The following FER1L5 variants were observed in gnomAD, a reference collection of about 807,000 sequenced individuals.
The protein encoded by FER1L5 is fer-1 like family member 5, also known as fer-1-like protein 5.
In FER1L5, 187 loss-of-function variants were observed where a neutral mutation model predicts 279.9. That is an observed-to-expected ratio of 0.67 (90% CI 0.59 to 0.75). The LOEUF is 0.75. FER1L5 is among the 30% of genes least tolerant of loss of function. The pLI is 0.00. For missense variants in FER1L5, 2,091 were observed against 2,594.4 expected (o/e 0.81, Z 4.21); for synonymous variants, 921 against 989.7 (o/e 0.93, Z 1.30).
intron 8 of FER1L5, chr2:96,653,985 T>A (rs2075490254): frequency 2.1e-6 from 1 of 472,426 alleles, no homozygotes; most frequent in South Asian, 2.7e-5. Flanking sequence ...CAAAGGCCCC[T>A]CCAAGTAGAA....
chr2:96,697,807 A>T, intron 39 of FER1L5, 46 bp downstream of exon 39: 1 of 1,598,852 alleles, frequency 6.3e-7, no homozygotes, highest in Non-Finnish European at 8.6e-7. Context: ...CTCCCACTGG[A>T]GGAGGCCAGC....
intron 19 of FER1L5, among the ~76,000 whole-genome samples, chr2:96,678,222 G>A (rs775260225): frequency 6.7e-6 from 1 of 149,904 alleles, no homozygotes; most frequent in Non-Finnish European, 1.5e-5. Flanking sequence ...CCCGCCCCCC[G>A]GGTTCAAGCA....
At position 96,685,448 on chromosome 2, in the gene FER1L5, C is replaced by T. The variant is rs866418281; in HGVS notation, c.1895+19C>T. 68 of 1,542,642 alleles carry T rather than the reference C, an allele frequency of 4.4e-5. No individual in the cohort carries two copies. In the Middle Eastern group the frequency reaches 2.0e-3, roughly 46 times the overall value. ...ACTGCAAGTAGGAGTAGGGGCACTC[C>T]GGGATACAGCTGGCCTGGAGCTGAG... On this transcript the variant is annotated intron_variant, in intron 21 of 52. Coordinates refer to ENST00000624922, the MANE Select transcript of FER1L5 (RefSeq NM_001293083.2).
chr2:96,688,138 G>C (rs1446031529), intron 24 of FER1L5, among the ~76,000 whole-genome samples, 191 bp downstream of exon 24: 1 of 152,198 alleles, frequency 6.6e-6, no homozygotes, highest in Admixed American at 6.5e-5. Flanking sequence ...TAGTCTGCTG[G>C]AGGAGGCAGA....
chr2:96,653,664 GT>G lies in FER1L5; in HGVS notation c.660del (p.Pro221LeufsTer10), dbSNP rs1279088829. 2 of 1,551,360 alleles carry G rather than the reference GT, an allele frequency of 1.3e-6. No homozygotes were observed. The highest frequency in any genetic ancestry group is 1.7e-6 in the Non-Finnish European group (2 of 1,146,950). On this transcript the variant is annotated frameshift_variant, in exon 8 of 53. Coordinates refer to ENST00000624922, the MANE Select transcript of FER1L5 (RefSeq NM_001293083.2). LOFTEE classifies it high-confidence loss of function. Reference sequence around the variant, plus strand: ...GATCTTCTTCCAGAATTTTCATGAGGTTCCTGCAAAGTTCTTTGATGAGACC... The same window carrying G: ...GATCTTCTTCCAGAATTTTCATGAGGTCCTGCAAAGTTCTTTGATGAGACC... ...NEIFFQNFHE[V>X]PAKFFDETIL... is the part of the protein sequence containing the mutation.
rs571494473 is a variant in FER1L5, at chr2:96,688,759, G to A, written c.2362-454G>A. Among the ~76,000 whole-genome samples the A allele has an allele frequency of 4.2e-4, 63 of 149,932 alleles. 1 individual carries two copies. The South Asian group carries it at 0.012, about 29-fold the overall frequency. ...AGGGCCTGCATGCTCAGCGGGCACC[G>A]GAGGACTGGGCTGGTGCCTTTGATG... is the stretch of plus-strand genomic sequence containing the variant. On this transcript the variant is annotated intron_variant, in intron 24 of 52. Coordinates refer to ENST00000624922, the MANE Select transcript of FER1L5 (RefSeq NM_001293083.2).
chr2:96,649,530 C>A, intron 4 of FER1L5, 93 bp from the exon 5 acceptor site: 2 of 1,229,210 alleles, frequency 1.6e-6, no homozygotes, highest in Non-Finnish European at 1.2e-6. Flanking sequence ...CCAGGAGGAC[C>A]AGGTGTGAAC....
At position 96,698,760 on chromosome 2, in the gene FER1L5, C is replaced by A. The variant is rs1209070101; in HGVS notation, c.4446C>A (p.Phe1482Leu). 2.5e-6 allele frequency: 4 copies of A among 1,570,474 alleles called. No individual in the cohort carries two copies. The South Asian group carries it at 3.5e-5, about 14-fold the overall frequency. ...TGGTTTGGCCAGAGAGAGAGGACTT[C>A]CCCCAGCCGTGCTTGGTGCGGGTGT... ...QFLVWPERED[F>L]PQPCLVRVYM... is the part of the protein sequence containing the mutation. Residue 1482 changes from phenylalanine (F) to leucine (L), a missense_variant, in exon 41 of 53, where the codon TTC becomes TTA. By Grantham distance (22) the Phe-to-Leu change is conservative. Coordinates refer to ENST00000624922, the MANE Select transcript of FER1L5 (RefSeq NM_001293083.2). This position sits in a 1 kb window ranked among gnomAD's most constrained non-coding sequence, Gnocchi z 5.5.
chr2:96,676,713 A>G (rs1413740906), intron 19 of FER1L5, among the ~76,000 whole-genome samples: 1 of 151,688 alleles, frequency 6.6e-6, no homozygotes, highest in Non-Finnish European at 1.5e-5. Context: ...TCAAGGAATT[A>G]CAATATTGAC....
At chr2:96,684,502 C>A in intron 20 of FER1L5, 51 bp downstream of exon 20, 1 of 1,528,366 alleles carries the variant, frequency 6.5e-7, no homozygotes, top group Admixed American at 2.0e-5. Context: ...CAGAGTGTGG[C>A]TGGGAGACTT....
chr2:96,662,920 G>A (rs1380387896), intron 13 of FER1L5, among the ~76,000 whole-genome samples: 3 of 152,186 alleles, frequency 2.0e-5, no homozygotes, highest in Admixed American at 2.0e-4. Context: ...ACGTTCTCAG[G>A]TGGTAAGTGA....
chr2:96,691,458 G>A lies in FER1L5; in HGVS notation c.2921G>A (p.Gly974Asp). 6.5e-7 allele frequency: 1 copy of A among 1,542,768 alleles called. No homozygotes were observed. Among genetic ancestry groups the A allele is most frequent in the Non-Finnish European group, 8.8e-7 (1 of 1,142,462 alleles). Residue 974 changes from glycine to aspartate, a missense_variant, in exon 29 of 53, where the codon GGC (glycine) becomes GAC (aspartate). Gly to Asp is a moderately conservative substitution (Grantham distance 94). Transcript: ENST00000624922. The surrounding 1 kb of genome is among the most constrained non-coding windows in gnomAD (Gnocchi z 6.0). ...LSFLQLGLAK[G>D]EEEGWEYDTF... is the part of the protein sequence containing the mutation. ...TCCCCACCACAGGGCCTGGCCAAGGGCGAGGAGGAGGGCTGGGAGTATGAC... is the reference window on the plus strand; with the variant it reads ...TCCCCACCACAGGGCCTGGCCAAGGACGAGGAGGAGGGCTGGGAGTATGAC...
intron 6 of FER1L5, among the ~76,000 whole-genome samples, chr2:96,651,237 C>CTTTCTT (rs1553446608): frequency 7.8e-6 from 1 of 128,518 alleles, no homozygotes; most frequent in Non-Finnish European, 1.6e-5. Context: ...TTCTTTCTTT[C>CTTTCTT]TCTTTCTTTC....
intron 14 of FER1L5, among the ~76,000 whole-genome samples, chr2:96,667,497 G>A (rs565785411): frequency 4.6e-5 from 7 of 152,084 alleles, no homozygotes; most frequent in African/African-American, 9.6e-5. Context: ...ACAGGCATGC[G>A]CCACCACACC....
intron 31 of FER1L5, among the ~76,000 whole-genome samples, chr2:96,692,842 G>A (rs1250214785): frequency 6.6e-6 from 1 of 152,136 alleles, no homozygotes; most frequent in East Asian, 1.9e-4. Context: ...AGAGGCCCAT[G>A]TGACGCTCCC....
At chr2:96,650,372 C>A in intron 6 of FER1L5, 83 bp downstream of exon 6, 1 of 1,169,816 alleles carries the variant, frequency 8.5e-7, no homozygotes, top group Non-Finnish European at 1.2e-6. Flanking sequence ...CACCCCTCCC[C>A]AAGGTCATGG....
In FER1L5 at chr2:96,690,511, G is replaced by A. The variant is rs2106635030; in HGVS notation, c.2665G>A (p.Glu889Lys). Reference protein sequence around the residue: ...DVNGQPMEARENVKCPQGWHF... With the variant: ...DVNGQPMEARKNVKCPQGWHF... ...GAATGGACAGCCCATGGAGGCCCGG[G>A]AGAACGTGAAGTGCCCCCAAGGCTG... Residue 889 changes from glutamate to lysine, a missense_variant, in exon 27 of 53, where the codon GAG (glutamate) becomes AAG (lysine). Transcript: ENST00000624922. The A allele has an allele frequency of 6.4e-7, 1 of 1,551,688 alleles. No individual in the cohort carries two copies. The highest frequency in any genetic ancestry group is 8.7e-7 in the Non-Finnish European group (1 of 1,146,990).
intron 7 of FER1L5, 170 bp downstream of exon 7, chr2:96,652,190 C>G: frequency 1.1e-6 from 1 of 933,566 alleles, no homozygotes; most frequent in South Asian, 1.7e-5. Flanking sequence ...CAGTATAACT[C>G]AGAGCCCTGT....
rs1309928476 is a variant in FER1L5 at position 96,699,117 on chromosome 2, C to T, written c.4591C>T (p.Leu1531=). 6.2e-7 allele frequency: 1 copy of T among 1,610,122 alleles called. No individual in the cohort carries two copies. The highest frequency in any genetic ancestry group is 2.2e-5 in the East Asian group (1 of 44,754). ...GNRDMYQPNT[L]DPIFGMMFEL... ...CCGGGACATGTACCAGCCCAACACT[C>T]TGGATCCCATCTTTGGCATGTGAGC... The change falls in exon 42 of 53, where the codon CTG becomes TTG. Residue 1531 remains leucine, a synonymous_variant. Coordinates refer to ENST00000624922, the MANE Select transcript of FER1L5 (RefSeq NM_001293083.2).
Sources: gnomAD v4.1 joint callset for allele counts (sites outside exome capture counted in the v4.1 genomes callset) on GRCh38, gnomAD v4.1.1 for gene constraint, Gnocchi (gnomAD v3.1) non-coding constraint, MANE v1.5 for transcripts, NCBI Gene and HGNC (gene_info 2026-07-23, HGNC 2026-07-21) for gene names.